Variants in ULK4 observed in about 807,000 individuals in gnomAD.
ULK4 encodes the protein inactive serine/threonine-protein kinase ULK4.
In ULK4, 133 loss-of-function variants were observed where a neutral mutation model predicts 160.6. The observed-to-expected ratio is 0.83, with a 90% CI of 0.72 to 0.96. ULK4 has a LOEUF of 0.96. ULK4 is among the 40% of genes least tolerant of loss of function. ULK4 has a pLI of 0.00. For synonymous variants in ULK4, 534 were observed against 539.8 expected (o/e 0.99, Z 0.15); for missense variants, 1,580 against 1,499.5 (o/e 1.05, Z -0.89).
rs549809490 is a variant in ULK4 at position 41,873,913 on chromosome 3, T to C, written c.1656+9961A>G. ...TTTTTTGATGTGGGAGGATCACACA[T>C]AATTTGCAAGATTATCTCAACAGCT... On this transcript the variant is annotated intron_variant, in intron 17 of 36. Transcript: ENST00000301831. Among the ~76,000 whole-genome samples, 19 of 151,264 alleles carry C rather than the reference T, an allele frequency of 1.3e-4. No individual in the cohort carries two copies. In the South Asian group the frequency reaches 4.0e-3, roughly 32 times the overall value.
intron 32 of ULK4, among the ~76,000 whole-genome samples, chr3:41,545,579 G>A (rs953648791): frequency 6.6e-6 from 1 of 152,124 alleles, no homozygotes; most frequent in African/African-American, 2.4e-5. Flanking sequence ...ATTTTTAGGA[G>A]TTTGACTATC....
intron 30 of ULK4, among the ~76,000 whole-genome samples, chr3:41,617,934 C>T (rs1181855732): frequency 3.9e-5 from 6 of 152,074 alleles, no homozygotes; most frequent in Non-Finnish European, 8.8e-5. Flanking sequence ...CATAAATGAC[C>T]TGATGGAGCT....
intron 35 of ULK4, among the ~76,000 whole-genome samples, chr3:41,329,223 A>G (rs1463948872): frequency 6.6e-6 from 1 of 152,220 alleles, no homozygotes; most frequent in Non-Finnish European, 1.5e-5. Flanking sequence ...TATCAATACT[A>G]CAAATTCTTA....
chr3:41,442,387 TCA>T (rs2083192991), intron 34 of ULK4, among the ~76,000 whole-genome samples: 1 of 152,080 alleles, frequency 6.6e-6, no homozygotes, highest in South Asian at 2.1e-4. Flanking sequence ...AAAACAGAAA[TCA>T]CATGTAGTTC....
At chr3:41,763,190 C>A (rs1031595800) in intron 21 of ULK4, among the ~76,000 whole-genome samples, 1 of 151,872 alleles carries the variant, frequency 6.6e-6, no homozygotes, top group African/African-American at 2.4e-5. Context: ...ATATGCAACC[C>A]ATAATTATAT....
chr3:41,646,403 G>C (rs962438307), intron 30 of ULK4, among the ~76,000 whole-genome samples: 24 of 152,130 alleles, frequency 1.6e-4, no homozygotes, highest in Non-Finnish European at 2.6e-4. Flanking sequence ...GACAAAACCT[G>C]TCAGCATTTG....
chr3:41,698,136 G>T (rs910615390), intron 27 of ULK4, among the ~76,000 whole-genome samples: 2 of 152,150 alleles, frequency 1.3e-5, no homozygotes, highest in African/African-American at 4.8e-5. Context: ...CTAGGTTGGT[G>T]TAAGTACATT....
At chr3:41,647,576 G>A (rs897631397) in intron 30 of ULK4, among the ~76,000 whole-genome samples, 4 of 152,172 alleles carry the variant, frequency 2.6e-5, no homozygotes, top group African/African-American at 4.8e-5. Flanking sequence ...AGGAGTACTG[G>A]GCCGTGTGAG....
At chr3:41,922,092 G>C (rs1207583024) in intron 5 of ULK4, among the ~76,000 whole-genome samples, 2 of 152,176 alleles carry the variant, frequency 1.3e-5, no homozygotes, top group African/African-American at 4.8e-5. Context: ...GGCGGAGCTT[G>C]CAGTGAGCCA....
intron 32 of ULK4, among the ~76,000 whole-genome samples, chr3:41,518,200 A>T (rs2125929237): frequency 6.6e-6 from 1 of 152,326 alleles, no homozygotes; most frequent in African/African-American, 2.4e-5. Flanking sequence ...AGAGAAGAAG[A>T]CTGGATTAAA....
chr3:41,896,751 T>C, intron 15 of ULK4, 71 bp downstream of exon 15: 1 of 1,467,294 alleles, frequency 6.8e-7, no homozygotes, highest in Non-Finnish European at 9.1e-7. Flanking sequence ...ATCAAATTGT[T>C]ATTTTAGCAC....
intron 35 of ULK4, among the ~76,000 whole-genome samples, chr3:41,280,802 T>C (rs2079336394): frequency 6.6e-6 from 1 of 151,810 alleles, no homozygotes; most frequent in African/African-American, 2.4e-5. Flanking sequence ...AAGAAATAAC[T>C]AAGATCAGAG....
Position 41,579,584 on chromosome 3 carries a change from C to T in ULK4, c.3121-13454G>A, listed in dbSNP as rs1047316525. On this transcript the variant is annotated intron_variant, in intron 31 of 36. Coordinates refer to ENST00000301831, the MANE Select transcript of ULK4 (RefSeq NM_017886.4). ...TCTCGACTCACTGCAAGCTCCGCCT[C>T]CCGGGTTCACGCCATTCTCCTGCCT... Among the ~76,000 whole-genome samples the T allele has an allele frequency of 4.7e-5, 7 of 148,896 alleles. No homozygotes were observed. The Admixed American group carries it at 4.8e-4, about 10-fold the overall frequency.
chr3:41,832,369 C>T (rs993483049), intron 18 of ULK4, among the ~76,000 whole-genome samples: 6 of 152,128 alleles, frequency 3.9e-5, no homozygotes, highest in African/African-American at 1.4e-4. Flanking sequence ...ATATCCTTTG[C>T]CCACGTTTTT....
intron 32 of ULK4, among the ~76,000 whole-genome samples, chr3:41,501,325 G>A (rs1269331382): frequency 9.2e-5 from 14 of 152,074 alleles, no homozygotes; most frequent in Admixed American, 3.3e-4. Flanking sequence ...GTGAAACCCC[G>A]TCTCTACTAA....
At chr3:41,763,969 T>C (rs1209078180) in intron 21 of ULK4, among the ~76,000 whole-genome samples, 3 of 152,240 alleles carry the variant, frequency 2.0e-5, no homozygotes, top group African/African-American at 4.8e-5. Context: ...AGTCTACTGT[T>C]ACTCACTTGA....
intron 27 of ULK4, among the ~76,000 whole-genome samples, chr3:41,692,457 T>C (rs1240193210): frequency 6.6e-6 from 1 of 152,060 alleles, no homozygotes; most frequent in Non-Finnish European, 1.5e-5. Context: ...TGCTCACCAA[T>C]GTTCTGCCCT....
chr3:41,370,380 G>A (rs1387401547), intron 35 of ULK4, among the ~76,000 whole-genome samples: 1 of 152,178 alleles, frequency 6.6e-6, no homozygotes, highest in Non-Finnish European at 1.5e-5. Flanking sequence ...AATAGGAGCA[G>A]CTCTGGTCTG....
rs190929368 is a variant in ULK4, at chr3:41,579,134, T to C, written c.3121-13004A>G. On this transcript the variant is annotated intron_variant, in intron 31 of 36. Transcript: ENST00000301831. ...CCCTTTGAACAATGGAATGAGGAAA[T>C]GGGAAAGAGGGAAAGGGAAGGCTTG... 9.9e-5 allele frequency among the ~76,000 whole-genome samples: 15 copies of C among 152,218 alleles called. No homozygotes were observed. The East Asian group carries it at 2.1e-3, about 22-fold the overall frequency.
Sources: gnomAD v4.1 joint callset for allele counts (sites outside exome capture counted in the v4.1 genomes callset) on GRCh38, gnomAD v4.1.1 for gene constraint, MANE v1.5 for transcripts, NCBI Gene and HGNC (gene_info 2026-07-23, HGNC 2026-07-21) for gene names.